Variants in ARSG observed in about 807,000 individuals in gnomAD.
The protein encoded by ARSG is ASG.
ARSG carries 37 observed loss-of-function variants against 50.5 expected under a neutral mutation model. The observed-to-expected ratio is 0.73, with a 90% CI of 0.56 to 0.96. The LOEUF (loss-of-function observed/expected upper bound fraction) is 0.96, where lower values mean the gene tolerates loss of function less well. Ranked by LOEUF, ARSG falls within the 50% of genes least tolerant of loss-of-function variation. The probability of loss-of-function intolerance (pLI) is 0.00; values close to 1 mark genes in which losing one functional copy is unlikely to be tolerated. For missense variants in ARSG, 629 were observed against 675.3 expected (o/e 0.93, Z 0.76); for synonymous variants, 225 against 254.6 (o/e 0.88, Z 1.11).
At chr17:68,362,432 T>A (rs1215655473) in intron 6 of ARSG, among the ~76,000 whole-genome samples, 1 of 152,152 alleles carries the variant, frequency 6.6e-6, no homozygotes, top group Non-Finnish European at 1.5e-5. Context: ...CAGGGCTATG[T>A]TCTCTGCCTT....
chr17:68,366,266 T>C (rs1249084992), intron 6 of ARSG, among the ~76,000 whole-genome samples: 2 of 152,112 alleles, frequency 1.3e-5, no homozygotes, highest in Non-Finnish European at 2.9e-5. Context: ...AAAATTTATT[T>C]AATTGTGGAC....
At chr17:68,435,662 G>A in the ARSG span, 11 of 1,614,132 alleles carry the variant, frequency 6.8e-6, no homozygotes, top group African/African-American at 1.3e-4. Context: ...AGGCATTGAA[G>A]GTGATGGCAG....
chr17:68,393,991 C>T (rs957079767), intron 9 of ARSG, among the ~76,000 whole-genome samples: 7 of 150,598 alleles, frequency 4.6e-5, no homozygotes, highest in African/African-American at 1.7e-4. Context: ...TGGGATTTTG[C>T]CCTATTGCCC....
intron 8 of ARSG, among the ~76,000 whole-genome samples, chr17:68,377,337 A>T (rs1465539972): frequency 6.6e-6 from 1 of 151,976 alleles, no homozygotes; most frequent in African/African-American, 2.4e-5. Flanking sequence ...GTTATACTCG[A>T]CTCCTCAGCC....
intron 10 of ARSG, 100 bp downstream of exon 10, chr17:68,395,293 A>G (rs2081191354): frequency 6.5e-7 from 1 of 1,540,248 alleles, no homozygotes; most frequent in Non-Finnish European, 8.8e-7. Flanking sequence ...AAGATGGTCA[A>G]GAACAGGCTG....
At chr17:68,338,233 G>C (rs558248265) in intron 2 of ARSG, among the ~76,000 whole-genome samples, 6 of 152,134 alleles carry the variant, frequency 3.9e-5, no homozygotes, top group African/African-American at 1.2e-4. Context: ...GTGTGTGCGC[G>C]TGTGGGTGTC....
chr17:68,306,163 C>T (rs972485230), intron 1 of ARSG, among the ~76,000 whole-genome samples: 3 of 151,834 alleles, frequency 2.0e-5, no homozygotes, highest in South Asian at 2.1e-4. Flanking sequence ...CCACCATGCC[C>T]GGCTCATTTT....
intron 1 of ARSG, among the ~76,000 whole-genome samples, chr17:68,301,161 C>T (rs1256764520): frequency 6.6e-6 from 1 of 151,902 alleles, no homozygotes; most frequent in East Asian, 1.9e-4. Context: ...TGAAATTGCT[C>T]TCCCAGGCTG....
chr17:68,287,766 A>G (rs1285700005), upstream of ARSG, among the ~76,000 whole-genome samples: 2 of 152,154 alleles, frequency 1.3e-5, no homozygotes, highest in Non-Finnish European at 2.9e-5. Flanking sequence ...ATATAAAGTA[A>G]TAACAGGATA....
At chr17:68,358,561 C>T (rs1180969276) in intron 6 of ARSG, among the ~76,000 whole-genome samples, 1 of 151,908 alleles carries the variant, frequency 6.6e-6, no homozygotes, top group Non-Finnish European at 1.5e-5. Flanking sequence ...TGGTGGCACC[C>T]ATCTGTAGTC....
At chr17:68,328,904 C>T (rs1429809605) in intron 2 of ARSG, among the ~76,000 whole-genome samples, 1 of 152,156 alleles carries the variant, frequency 6.6e-6, no homozygotes, top group African/African-American at 2.4e-5. Flanking sequence ...GGTGGAAAAA[C>T]AGCATTCTTG....
the ARSG span, among the ~76,000 whole-genome samples, chr17:68,441,732 C>T: frequency 1.1e-4 from 16 of 152,178 alleles, no homozygotes; most frequent in African/African-American, 3.1e-4. Flanking sequence ...CCTCAGGTAA[C>T]GCTCTCCGTG....
At chr17:68,299,394 C>T (rs552384085) in intron 1 of ARSG, among the ~76,000 whole-genome samples, 9 of 151,966 alleles carry the variant, frequency 5.9e-5, no homozygotes, top group East Asian at 3.9e-4. Flanking sequence ...CATGAGCCAC[C>T]GCGCCTAGCT....
chr17:68,270,762 T>C, intron 1 of ARSG: 3 of 1,311,660 alleles, frequency 2.3e-6, no homozygotes, highest in Non-Finnish European at 2.1e-6. Flanking sequence ...TAAGTTTTTT[T>C]TATGGCTTGA....
chr17:68,441,594 C>A, the ARSG span, among the ~76,000 whole-genome samples: 1 of 152,252 alleles, frequency 6.6e-6, no homozygotes. Context: ...CGAGTGAGGA[C>A]CTGGTCATGT....
At chr17:68,434,080 T>C in the ARSG span, among the ~76,000 whole-genome samples, 1 of 152,042 alleles carries the variant, frequency 6.6e-6, no homozygotes, top group Non-Finnish European at 1.5e-5. Context: ...CATAGTCTTA[T>C]TTATGTGAGA....
intron 11 of ARSG, among the ~76,000 whole-genome samples, chr17:68,403,136 T>G (rs1363759866): frequency 2.6e-5 from 4 of 152,192 alleles, no homozygotes; most frequent in African/African-American, 9.7e-5. Context: ...CAAAAATCTT[T>G]GATTCTCTAA....
upstream of ARSG, among the ~76,000 whole-genome samples, chr17:68,287,041 T>C (rs2145181937): frequency 6.6e-6 from 1 of 152,120 alleles, no homozygotes; most frequent in South Asian, 2.1e-4. Context: ...TGGAGTGCCA[T>C]GGCACAATCT....
At chr17:68,259,980 G>A (rs2075047824) in intron 1 of ARSG, among the ~76,000 whole-genome samples, 1 of 152,180 alleles carries the variant, frequency 6.6e-6, no homozygotes, top group Non-Finnish European at 1.5e-5. Context: ...TGTAGACACC[G>A]TTTAATGTCT....
Sources: gnomAD v4.1 joint callset for allele counts (sites outside exome capture counted in the v4.1 genomes callset) on GRCh38, gnomAD v4.1.1 for gene constraint, MANE v1.5 for transcripts, NCBI Gene and HGNC (gene_info 2026-07-23, HGNC 2026-07-21) for gene names.